The following ZNF592 variants were observed in gnomAD, a reference collection of about 807,000 sequenced individuals.
ZNF592 encodes zinc finger protein 592.
A neutral mutation model predicts 80.3 loss-of-function variants in ZNF592; 11 were observed. That is an observed-to-expected ratio of 0.14 (90% CI 0.09 to 0.23). The LOEUF (loss-of-function observed/expected upper bound fraction) is 0.23. Among genes scored for constraint, ZNF592 ranks in the 10% least tolerant of loss-of-function variants. The pLI is 1.00. For synonymous variants in ZNF592, 646 were observed against 640.3 expected (o/e 1.01, Z -0.13); for missense variants, 1,420 against 1,633.9 (o/e 0.87, Z 2.26).
chr15:84,783,802 G>A lies in ZNF592; in HGVS notation c.1127G>A (p.Arg376Lys), dbSNP rs747918408. 6.2e-7 allele frequency: 1 copy of A among 1,614,222 alleles called. No individual in the cohort carries two copies. Among genetic ancestry groups the A allele is most frequent in the Non-Finnish European group, 8.5e-7 (1 of 1,180,040 alleles). Reference sequence around the variant, plus strand: ...TCCCCACCAGCAATTCCCAAAGTGAGAATCAAAACCATTAAGACATCATCA... The same window carrying A: ...TCCCCACCAGCAATTCCCAAAGTGAAAATCAAAACCATTAAGACATCATCA... ...ASSPPAIPKV[R>K]IKTIKTSSGE... is the part of the protein sequence containing the mutation. The change falls in exon 4 of 11, where the codon AGA becomes AAA. Residue 376 changes from arginine (R) to lysine (K), a missense_variant. Transcript: ENST00000560079. This position sits in a 1 kb window ranked among gnomAD's most constrained non-coding sequence, Gnocchi z 5.0.
chr15:84,782,796 C>A lies in ZNF592; in HGVS notation c.121C>A (p.Leu41Ile). Residue 41 changes from leucine to isoleucine, a missense_variant, in exon 4 of 11, where the codon CTC (leucine) becomes ATC (isoleucine). Transcript: ENST00000560079. ...ACCCAGTGAGGAGAATGAGAGTCCC[C>A]TCAAACCTCCAGGCATATGTATGGA... Reference protein sequence around the residue: ...QTPSEENESPLKPPGICMDES... With the variant: ...QTPSEENESPIKPPGICMDES... 6.2e-7 allele frequency: 1 copy of A among 1,614,172 alleles called. No individual in the cohort carries two copies. Among genetic ancestry groups the A allele is most frequent in the Non-Finnish European group, 8.5e-7 (1 of 1,180,036 alleles).
At chr15:84,787,066 G>A (rs1016494249) in intron 4 of ZNF592, among the ~76,000 whole-genome samples, 3 of 151,956 alleles carry the variant, frequency 2.0e-5, no homozygotes, top group Non-Finnish European at 4.4e-5. Context: ...TGCCCAGGCC[G>A]GTCTTGAACT....
chr15:84,802,141 G>T lies in ZNF592; in HGVS notation c.3552G>T (p.Glu1184Asp), dbSNP rs768864851. Residue 1184 changes from glutamate (E) to aspartate (D), a missense_variant, in exon 11 of 11, where the codon GAG becomes GAT. Physicochemically the swap from Glu to Asp is conservative, Grantham distance 45 (BLOSUM62 2). Around this residue, in one of 7 missense-constraint regions of ZNF592, gnomAD observed 145 missense variants for 211.9 expected, o/e 0.68. Coordinates refer to ENST00000560079, the MANE Select transcript of ZNF592 (RefSeq NM_014630.3). ...IVHKVRDQEE[E>D]EEEEAAAAEM... Reference sequence around the variant, plus strand: ...ACAAGGTGAGAGACCAGGAGGAGGAGGAGGAAGAGGAGGCGGCGGCAGCGG... The same window carrying T: ...ACAAGGTGAGAGACCAGGAGGAGGATGAGGAAGAGGAGGCGGCGGCAGCGG... 38 of 1,604,924 alleles carry T rather than the reference G, an allele frequency of 2.4e-5. 1 individual carries two copies. The South Asian group carries it at 4.1e-4, about 17-fold the overall frequency.
chr15:84,781,687 C>G (rs1290399131), intron 3 of ZNF592, among the ~76,000 whole-genome samples: 1 of 152,186 alleles, frequency 6.6e-6, no homozygotes, highest in Non-Finnish European at 1.5e-5. Context: ...AATGCTGAAG[C>G]AGATGCAGGA....
At chr15:84,773,734 T>A (rs1427676906) in intron 2 of ZNF592, among the ~76,000 whole-genome samples, 1 of 150,672 alleles carries the variant, frequency 6.6e-6, no homozygotes, top group Non-Finnish European at 1.5e-5. Flanking sequence ...TAAATTTTCA[T>A]CTCTCCAGAA....
Position 84,798,606 on chromosome 15 carries a change from C to A in ZNF592, c.2755C>A (p.Arg919=), listed in dbSNP as rs144143137. ...QHVKSTHGVP[R]NVDELSSLQS... is the part of the protein sequence containing the mutation. ...TCCCCAGAGCACCCACGGTGTTCCC[C>A]GAAATGTGGACGAGCTGTCAAGCCT... The change falls in exon 8 of 11, where the codon CGA becomes AGA. Residue 919 remains arginine (R), a synonymous_variant. Coordinates refer to ENST00000560079, the MANE Select transcript of ZNF592 (RefSeq NM_014630.3). This position sits in a 1 kb window ranked among gnomAD's most constrained non-coding sequence, Gnocchi z 4.5. The A allele has an allele frequency of 6.2e-7, 1 of 1,614,098 alleles. No homozygotes were observed. Among genetic ancestry groups the A allele is most frequent in the Non-Finnish European group, 8.5e-7 (1 of 1,180,032 alleles).
chr15:84,753,699 C>T (rs1899080753), intron 1 of ZNF592, among the ~76,000 whole-genome samples: 1 of 152,234 alleles, frequency 6.6e-6, no homozygotes, highest in Admixed American at 6.5e-5. Flanking sequence ...TCTTGAACTC[C>T]TGACCTCAAA....
At chr15:84,792,088 A>G (rs1962765914) in intron 5 of ZNF592, among the ~76,000 whole-genome samples, 1 of 151,894 alleles carries the variant, frequency 6.6e-6, no homozygotes, top group African/African-American at 2.4e-5. Context: ...AGAGAGACTG[A>G]AGACTTCTTG....
intron 2 of ZNF592, among the ~76,000 whole-genome samples, chr15:84,766,372 A>G (rs1402046869): frequency 6.6e-6 from 1 of 152,196 alleles, no homozygotes; most frequent in Non-Finnish European, 1.5e-5. Flanking sequence ...CCCTTGGATC[A>G]CCAGGGACAT....
intron 3 of ZNF592, among the ~76,000 whole-genome samples, chr15:84,780,014 T>C (rs939981382): frequency 7.2e-6 from 1 of 138,804 alleles, no homozygotes. Flanking sequence ...TGAGTTGGAG[T>C]CTTGGTCTAT....
At chr15:84,762,843 G>A (rs1047862361) in intron 1 of ZNF592, among the ~76,000 whole-genome samples, 2 of 152,160 alleles carry the variant, frequency 1.3e-5, no homozygotes, top group Non-Finnish European at 2.9e-5. Flanking sequence ...TGTAGAGTAA[G>A]TGGTTTAAAT....
chr15:84,782,859 G>C lies in ZNF592; in HGVS notation c.184G>C (p.Asp62His). Residue 62 changes from aspartate (D) to histidine (H), a missense_variant, in exon 4 of 11, where the codon GAT (aspartate) becomes CAT (histidine). Around this residue, in one of 7 missense-constraint regions of ZNF592, gnomAD observed 373 missense variants for 355.5 expected, o/e 1.05. Coordinates refer to ENST00000560079, the MANE Select transcript of ZNF592 (RefSeq NM_014630.3). ...VSLSHSGSAPDVPAVSVIVKN... is the reference protein window; with the variant it reads ...VSLSHSGSAPHVPAVSVIVKN... ...CTTGTCTCACTCAGGATCAGCCCCC[G>C]ATGTGCCGGCCGTGAGTGTCATTGT... is the stretch of plus-strand genomic sequence containing the variant. 1 of 1,614,128 alleles carries C rather than the reference G, an allele frequency of 6.2e-7. No homozygotes were observed. The highest frequency in any genetic ancestry group is 1.1e-5 in the South Asian group (1 of 91,082).
chr15:84,786,340 C>T (rs927308644), intron 4 of ZNF592, among the ~76,000 whole-genome samples: 9 of 152,072 alleles, frequency 5.9e-5, no homozygotes, highest in Admixed American at 1.3e-4. Flanking sequence ...TGACTCCATG[C>T]GTAAGGAAGA....
intron 3 of ZNF592, among the ~76,000 whole-genome samples, chr15:84,779,919 C>T (rs1448369518): frequency 6.6e-6 from 1 of 151,986 alleles, no homozygotes; most frequent in Non-Finnish European, 1.5e-5. Context: ...ATGCTTTTTC[C>T]AGCTCCTTAA....
Position 84,783,971 on chromosome 15 carries a change from T to C in ZNF592, c.1296T>C (p.Phe432=), listed in dbSNP as rs1962503968. 1 of 1,612,762 alleles carries C rather than the reference T, an allele frequency of 6.2e-7. No homozygotes were observed. The highest frequency in any genetic ancestry group is 8.5e-7 in the Non-Finnish European group (1 of 1,178,884). The change falls in exon 4 of 11, where the codon TTT becomes TTC. Residue 432 remains phenylalanine, a synonymous_variant. Transcript: ENST00000560079. The surrounding 1 kb of genome is among the most constrained non-coding windows in gnomAD (Gnocchi z 5.0). ...PGDEVPVEEH[F]PEAGTNSGSP... is the part of the protein sequence containing the mutation. ...ATGAGGTGCCTGTGGAAGAGCACTT[T>C]CCTGAGGCAGGCACAAATTCAGGGA... is the stretch of plus-strand genomic sequence containing the variant.
At chr15:84,749,597 C>G (rs1313357477) in intron 1 of ZNF592, among the ~76,000 whole-genome samples, 2 of 152,174 alleles carry the variant, frequency 1.3e-5, no homozygotes, top group Non-Finnish European at 2.9e-5. Flanking sequence ...AAGAATGGGA[C>G]TTGGGGAGTA....
intron 2 of ZNF592, among the ~76,000 whole-genome samples, chr15:84,773,065 C>CT (rs1020382906): frequency 2.0e-4 from 31 of 151,894 alleles, no homozygotes; most frequent in African/African-American, 6.3e-4. Flanking sequence ...TCCTCAGAGC[C>CT]TTTTTTATTT....
chr15:84,754,866 T>G (rs1899120717), intron 1 of ZNF592, among the ~76,000 whole-genome samples: 1 of 152,040 alleles, frequency 6.6e-6, no homozygotes, highest in Non-Finnish European at 1.5e-5. Flanking sequence ...CAGATTAACT[T>G]CTGGTCTCCA....
chr15:84,804,053 A>G lies in ZNF592; in HGVS notation c.*1660A>G, dbSNP rs1057144823. 3 of 152,212 alleles carry G rather than the reference A, an allele frequency of 2.0e-5. No homozygotes were observed. Among genetic ancestry groups the G allele is most frequent in the Admixed American group, 6.5e-5 (1 of 15,274 alleles). The allele number at this position is 152,212 out of a possible 1,614,324, so 9.4% of individuals were successfully genotyped here. On this transcript the variant is annotated 3_prime_UTR_variant, in exon 11 of 11. Coordinates refer to ENST00000560079, the MANE Select transcript of ZNF592 (RefSeq NM_014630.3). ...ATTTTTTCCCCTCTATCAAATGCCAAGTTTTTAGTGGAAATGCTAATGGCA... is the reference window on the plus strand; with the variant it reads ...ATTTTTTCCCCTCTATCAAATGCCAGGTTTTTAGTGGAAATGCTAATGGCA...
Sources: allele counts gnomAD v4.1 joint callset (sites outside exome capture counted in the v4.1 genomes callset), GRCh38; gene constraint gnomAD v4.1.1; regional missense constraint gnomAD v4.1.1; non-coding constraint Gnocchi (gnomAD v3.1); transcripts MANE v1.5; gene names NCBI Gene and HGNC (gene_info 2026-07-23, HGNC 2026-07-21).